VWC2: variants seen among roughly 807,000 people sequenced by gnomAD.
VWC2 encodes the protein von Willebrand factor C domain containing 2.
In VWC2, 14 loss-of-function variants were observed where a neutral mutation model predicts 29.8. The observed-to-expected ratio is 0.47, with a 90% CI of 0.31 to 0.74. VWC2 has a LOEUF of 0.74. VWC2 is among the 30% of genes least tolerant of loss of function. The pLI is 0.05. For missense variants in VWC2, 457 were observed against 459.8 expected, an observed-to-expected ratio of 0.99 and a Z score of 0.05; for synonymous variants, 213 against 199.0, an observed-to-expected ratio of 1.07 and a Z score of -0.59.
At chr7:49,787,480 G>A (rs1390242940) in intron 2 of VWC2, among the ~76,000 whole-genome samples, 2 of 152,160 alleles carry the variant, frequency 1.3e-5, no homozygotes, top group Non-Finnish European at 2.9e-5. Flanking sequence ...CTCCCCACCT[G>A]GTGACACTGT....
chr7:49,881,917 TA>T (rs1380150591), intron 3 of VWC2, among the ~76,000 whole-genome samples: 1 of 152,090 alleles, frequency 6.6e-6, no homozygotes, highest in East Asian at 1.9e-4. Context: ...AATTTCCAAT[TA>T]ATTAAAATTT....
chr7:49,794,319 A>T (rs1788534377), intron 2 of VWC2, among the ~76,000 whole-genome samples: 1 of 152,184 alleles, frequency 6.6e-6, no homozygotes, highest in Non-Finnish European at 1.5e-5. Flanking sequence ...ATGAGATGGA[A>T]CGTTCTTTTA....
At chr7:49,894,716 G>C (rs903663754) in intron 3 of VWC2, among the ~76,000 whole-genome samples, 1 of 152,214 alleles carries the variant, frequency 6.6e-6, no homozygotes, top group Non-Finnish European at 1.5e-5. Flanking sequence ...CTGTCACTGA[G>C]AAGGCTGTTT....
rs1300520017 is a variant in VWC2, at chr7:49,915,964, A to C, written c.*3779A>C. 5 of 152,198 alleles carry C rather than the reference A, an allele frequency of 3.3e-5. No homozygotes were observed. Among genetic ancestry groups the C allele is most frequent in the Non-Finnish European group, 5.9e-5 (4 of 68,032 alleles). 9.4% of individuals were successfully genotyped at this position (152,198 alleles called of 1,614,324 possible). A position where few individuals can be genotyped will look rare whatever the true frequency, so the allele number is the denominator to read the frequency against. ...GTAGCATCTGATGGTTGATACAGTCAGTAACTATTCTGAAGAATCAGATTA... is the reference window on the plus strand; with the variant it reads ...GTAGCATCTGATGGTTGATACAGTCCGTAACTATTCTGAAGAATCAGATTA... On this transcript the variant is annotated 3_prime_UTR_variant, in exon 4 of 4. Coordinates refer to ENST00000340652, the MANE Select transcript of VWC2 (RefSeq NM_198570.5).
intron 3 of VWC2, among the ~76,000 whole-genome samples, chr7:49,855,883 A>G (rs1790398200): frequency 6.6e-6 from 1 of 152,114 alleles, no homozygotes; most frequent in Admixed American, 6.5e-5. Context: ...GGTGAGAGGG[A>G]CAGAGTGAAG....
chr7:49,778,322 G>T (rs1192345539), intron 2 of VWC2, among the ~76,000 whole-genome samples: 3 of 152,114 alleles, frequency 2.0e-5, no homozygotes, highest in African/African-American at 7.2e-5. Flanking sequence ...TACCAGTAAA[G>T]CTATTTTTGG....
chr7:49,808,627 T>C (rs1052786855), intron 3 of VWC2, among the ~76,000 whole-genome samples: 3 of 152,024 alleles, frequency 2.0e-5, no homozygotes, highest in African/African-American at 7.2e-5. Flanking sequence ...TGCTAAGACA[T>C]AAAACAAGTC....
chr7:49,910,424 A>C (rs1459841605), intron 3 of VWC2, among the ~76,000 whole-genome samples: 6 of 152,216 alleles, frequency 3.9e-5, no homozygotes, highest in Non-Finnish European at 5.9e-5. Flanking sequence ...AGATATTAGA[A>C]GCAAAGAAGG....
At chr7:49,858,250 GCA>G (rs1306732729) in intron 3 of VWC2, among the ~76,000 whole-genome samples, 2 of 152,100 alleles carry the variant, frequency 1.3e-5, no homozygotes, top group African/African-American at 4.8e-5. Context: ...AATGACACAT[GCA>G]CACGTATGTT....
chr7:49,776,944 TCTA>T (rs1344705858), intron 2 of VWC2, among the ~76,000 whole-genome samples: 2 of 152,244 alleles, frequency 1.3e-5, no homozygotes, highest in African/African-American at 4.8e-5. Flanking sequence ...ACTAAGCAGT[TCTA>T]CTCCATAGCT....
intron 2 of VWC2, among the ~76,000 whole-genome samples, chr7:49,783,442 G>A (rs1216376670): frequency 1.3e-5 from 2 of 152,132 alleles, no homozygotes; most frequent in African/African-American, 4.8e-5. Flanking sequence ...AGAAAAGAGT[G>A]TATCAAATGT....
chr7:49,857,553 C>T (rs1790475726), intron 3 of VWC2, among the ~76,000 whole-genome samples: 1 of 152,064 alleles, frequency 6.6e-6, no homozygotes, highest in Non-Finnish European at 1.5e-5. Flanking sequence ...AAAAAGTGCT[C>T]AACATTGCTA....
intron 3 of VWC2, among the ~76,000 whole-genome samples, chr7:49,835,333 C>A (rs1423013320): frequency 6.6e-6 from 1 of 152,164 alleles, no homozygotes; most frequent in Non-Finnish European, 1.5e-5. Flanking sequence ...GCTCACATTC[C>A]TCAGATGAAG....
chr7:49,827,911 C>T (rs1006437003), intron 3 of VWC2, among the ~76,000 whole-genome samples: 8 of 152,090 alleles, frequency 5.3e-5, no homozygotes, highest in Non-Finnish European at 7.4e-5. Context: ...TATTGAGACA[C>T]GGTTTACATA....
chr7:49,872,915 CAAAAA>C (rs61473396), intron 3 of VWC2, among the ~76,000 whole-genome samples: 7 of 33,946 alleles, frequency 2.1e-4, no homozygotes, highest in South Asian at 1.6e-3. Context: ...GACTTTGTCT[CAAAAA>C]AAAAAAAAAA....
chr7:49,819,633 G>C (rs566722138), intron 3 of VWC2, among the ~76,000 whole-genome samples: 1 of 152,346 alleles, frequency 6.6e-6, no homozygotes, highest in African/African-American at 2.4e-5. Flanking sequence ...GAGATACCCA[G>C]AGAATGAGTA....
At chr7:49,828,821 T>G (rs1274039277) in intron 3 of VWC2, among the ~76,000 whole-genome samples, 2 of 152,118 alleles carry the variant, frequency 1.3e-5, no homozygotes, top group African/African-American at 4.8e-5. Flanking sequence ...ACCTCCTGGT[T>G]GTCCTGTAAG....
chr7:49,810,273 A>C (rs138931845), intron 3 of VWC2, among the ~76,000 whole-genome samples: 1 of 152,204 alleles, frequency 6.6e-6, no homozygotes, highest in East Asian at 1.9e-4. Context: ...ATACAAATGA[A>C]ATTAAGAAAA....
At chr7:49,858,808 T>A (rs1790533815) in intron 3 of VWC2, among the ~76,000 whole-genome samples, 1 of 152,236 alleles carries the variant, frequency 6.6e-6, no homozygotes, top group Admixed American at 6.5e-5. Context: ...AAATGTTACT[T>A]ATTTTTTATG....
Sources: allele counts gnomAD v4.1 joint callset (sites outside exome capture counted in the v4.1 genomes callset), GRCh38; gene constraint gnomAD v4.1.1; transcripts MANE v1.5; gene names NCBI Gene and HGNC (gene_info 2026-07-23, HGNC 2026-07-21).